The following ERBB4 variants were observed in gnomAD, a reference collection of about 807,000 sequenced individuals.
ERBB4 encodes receptor tyrosine-protein kinase erbB-4.
Under a neutral mutation model 158.0 loss-of-function variants are expected in ERBB4, and 42 were observed. The observed-to-expected ratio is 0.27, with a 90% confidence interval of 0.21 to 0.34. The LOEUF (loss-of-function observed/expected upper bound fraction) is 0.34. Ranked by LOEUF, ERBB4 falls within the 10% of genes least tolerant of loss-of-function variation. The pLI is 1.00. For synonymous variants in ERBB4, 583 were observed against 558.7 expected, an observed-to-expected ratio of 1.04 and a Z score of -0.61; for missense variants, 1,333 against 1,624.1, an observed-to-expected ratio of 0.82 and a Z score of 3.08.
chr2:212,174,284 T>G (rs893469023), intron 1 of ERBB4, among the ~76,000 whole-genome samples: 1 of 152,234 alleles, frequency 6.6e-6, no homozygotes, highest in South Asian at 2.1e-4. Context: ...ATGGCAGATG[T>G]TTATTAAATA....
chr2:211,911,737 A>T (rs1193478219), intron 3 of ERBB4, among the ~76,000 whole-genome samples: 1 of 151,628 alleles, frequency 6.6e-6, no homozygotes, highest in Non-Finnish European at 1.5e-5. Flanking sequence ...ATTGGTGGTT[A>T]CAGAGACTGG....
intron 13 of ERBB4, among the ~76,000 whole-genome samples, chr2:211,676,254 A>C (rs1392238789): frequency 6.6e-6 from 1 of 152,200 alleles, no homozygotes; most frequent in Non-Finnish European, 1.5e-5. Flanking sequence ...CAAGATACGT[A>C]AGTTGATCAT....
At chr2:211,759,853 C>A (rs993713877) in intron 4 of ERBB4, among the ~76,000 whole-genome samples, 5 of 150,966 alleles carry the variant, frequency 3.3e-5, no homozygotes, top group Non-Finnish European at 5.9e-5. Context: ...CATTTTAACA[C>A]GATGTAATAC....
chr2:211,791,268 T>G (rs796690014), intron 3 of ERBB4, among the ~76,000 whole-genome samples: 2 of 151,958 alleles, frequency 1.3e-5, no homozygotes, highest in South Asian at 4.1e-4. Context: ...TAGATGTTTA[T>G]CTAATAAGAG....
intron 19 of ERBB4, among the ~76,000 whole-genome samples, chr2:211,571,008 G>A (rs2067708099): frequency 7.0e-6 from 1 of 142,234 alleles, no homozygotes; most frequent in Non-Finnish European, 1.5e-5. Context: ...TATCCTACCT[G>A]TCCTGATTTT....
In ERBB4 at chr2:211,772,848, T is replaced by TACAC. The variant is rs2075736543; in HGVS notation, c.556+15176_556+15177insGTGT. Reference sequence around the variant, plus strand: ...ATATATATATATACACATATATATATATATATATATATATATATATACACA... The same window carrying TACAC: ...ATATATATATATACACATATATATATACACATATATATATATATATATATACACA... On this transcript the variant is annotated intron_variant, in intron 4 of 27. Transcript: ENST00000342788. Among the ~76,000 whole-genome samples the TACAC allele has an allele frequency of 1.7e-4, 11 of 64,308 alleles. 1 individual carries two copies. The highest frequency in any genetic ancestry group is 0.014 in the Middle Eastern group (2 of 144). The allele number at this position is 64,308 out of a possible 152,430, so 42.2% of individuals were successfully genotyped here.
intron 3 of ERBB4, among the ~76,000 whole-genome samples, chr2:211,940,164 C>T (rs1047944461): frequency 1.3e-5 from 2 of 152,028 alleles, no homozygotes; most frequent in Non-Finnish European, 2.9e-5. Flanking sequence ...TTTTTCAATA[C>T]TTTGCAGTTC....
chr2:211,561,828 C>A, intron 20 of ERBB4, 75 bp downstream of exon 20: 1 of 1,257,636 alleles, frequency 8.0e-7, no homozygotes, highest in Non-Finnish European at 1.2e-6. Flanking sequence ...AACATATTTT[C>A]AATATGAAAA....
intron 1 of ERBB4, among the ~76,000 whole-genome samples, chr2:212,134,675 T>A (rs1029270328): frequency 2.7e-3 from 342 of 128,908 alleles, no homozygotes; most frequent in Non-Finnish European, 4.5e-3. Context: ...CTAAACACTT[T>A]CTTTTTTTTT....
At chr2:212,033,737 G>A (rs1480492352) in intron 2 of ERBB4, among the ~76,000 whole-genome samples, 1 of 151,768 alleles carries the variant, frequency 6.6e-6, no homozygotes, top group African/African-American at 2.4e-5. Flanking sequence ...GAGGCTCTAA[G>A]GTCATGGAGA....
intron 2 of ERBB4, among the ~76,000 whole-genome samples, chr2:212,076,648 C>G (rs1396005011): frequency 6.6e-6 from 1 of 151,572 alleles, no homozygotes; most frequent in African/African-American, 2.4e-5. Flanking sequence ...AAGAGGTATG[C>G]TAGTTCACAG....
At chr2:212,064,373 T>C (rs1043109769) in intron 2 of ERBB4, among the ~76,000 whole-genome samples, 8 of 152,064 alleles carry the variant, frequency 5.3e-5, no homozygotes, top group Admixed American at 3.3e-4. Context: ...ATGAGGAACC[T>C]AGAAATCTTT....
intron 2 of ERBB4, among the ~76,000 whole-genome samples, chr2:211,981,962 G>C (rs145598307): frequency 6.6e-6 from 1 of 152,010 alleles, no homozygotes; most frequent in African/African-American, 2.4e-5. Context: ...TGGTTAGTAA[G>C]TTTTATACCA....
At chr2:211,817,235 A>G (rs1559544381) in intron 3 of ERBB4, among the ~76,000 whole-genome samples, 1 of 152,206 alleles carries the variant, frequency 6.6e-6, no homozygotes, top group South Asian at 2.1e-4. Flanking sequence ...GTGTCCCCAC[A>G]TTGAATTAAT....
chr2:211,787,279 G>C (rs543704812), intron 4 of ERBB4, among the ~76,000 whole-genome samples: 17 of 152,126 alleles, frequency 1.1e-4, no homozygotes, highest in Non-Finnish European at 1.9e-4. Context: ...ATAAATGTGG[G>C]GATCACATAG....
chr2:211,974,809 T>C (rs771673133), intron 2 of ERBB4, among the ~76,000 whole-genome samples: 78 of 152,340 alleles, frequency 5.1e-4, no homozygotes, highest in Admixed American at 1.4e-3. Flanking sequence ...ATATCCATAG[T>C]AGTTTAATGT....
chr2:211,577,605 T>C (rs2067929931), intron 19 of ERBB4, among the ~76,000 whole-genome samples: 1 of 152,118 alleles, frequency 6.6e-6, no homozygotes, highest in African/African-American at 2.4e-5. Context: ...TTGAAAAGCT[T>C]ATCCACCATG....
intron 2 of ERBB4, among the ~76,000 whole-genome samples, chr2:212,086,664 T>C (rs1264435335): frequency 6.6e-6 from 1 of 151,904 alleles, no homozygotes; most frequent in South Asian, 2.1e-4. Context: ...ATTATCAGGG[T>C]CTTAATTTTA....
intron 25 of ERBB4, among the ~76,000 whole-genome samples, chr2:211,416,248 A>ATTTAATATACAATTTAT (rs1359940034): frequency 2.1e-4 from 32 of 152,156 alleles, no homozygotes; most frequent in African/African-American, 7.5e-4. Context: ...TTGCTATTTC[A>ATTTAATATACAATTTAT]TTTAATATAC....
Sources: gnomAD v4.1 joint callset for allele counts (sites outside exome capture counted in the v4.1 genomes callset) on GRCh38, gnomAD v4.1.1 for gene constraint, MANE v1.5 for transcripts, NCBI Gene and HGNC (gene_info 2026-07-23, HGNC 2026-07-21) for gene names.